Variants in FAM163A observed in about 807,000 individuals in gnomAD.
FAM163A encodes the protein family with sequence similarity 163 member A, also known as protein FAM163A.
Under a neutral mutation model 12.0 loss-of-function variants are expected in FAM163A, and 7 were observed. The ratio of observed to expected loss-of-function variants is 0.58; its 90% CI spans 0.33 to 1.10. FAM163A has a LOEUF of 1.10. Ranked by LOEUF, FAM163A falls within the 50% of genes least tolerant of loss-of-function variation. The pLI is 0.03. For synonymous variants in FAM163A, 101 were observed against 91.0 expected (o/e 1.11, Z -0.62); for missense variants, 202 against 218.6 (o/e 0.92, Z 0.48).
chr1:179,730,010 TTGGGATC>T, the FAM163A span, among the ~76,000 whole-genome samples: 3 of 152,146 alleles, frequency 2.0e-5, no homozygotes, highest in Non-Finnish European at 4.4e-5. Context: ...CCTCCTACCT[TTGGGATC>T]TGGCCTTCCA....
intron 1 of FAM163A, among the ~76,000 whole-genome samples, chr1:179,765,677 ATTTTTTTTTT>A (rs749528573): frequency 2.4e-5 from 3 of 127,202 alleles, no homozygotes; most frequent in Non-Finnish European, 5.0e-5. Context: ...AGCTTTGGGA[ATTTTTTTTTT>A]TTTTTTTTTT....
chr1:179,798,887 A>G (rs1692763557), intron 1 of FAM163A, among the ~76,000 whole-genome samples: 1 of 152,012 alleles, frequency 6.6e-6, no homozygotes, highest in South Asian at 2.1e-4. Flanking sequence ...ACCTAGTTCA[A>G]TCCTGCCCCT....
chr1:179,810,848 G>T (rs1328270852), intron 2 of FAM163A, among the ~76,000 whole-genome samples: 1 of 152,138 alleles, frequency 6.6e-6, no homozygotes, highest in Non-Finnish European at 1.5e-5. Context: ...TTTGAGACCA[G>T]CCTGGCCAAC....
intron 1 of FAM163A, among the ~76,000 whole-genome samples, chr1:179,790,575 C>T (rs1571497955): frequency 1.3e-5 from 2 of 152,160 alleles, no homozygotes; most frequent in Admixed American, 1.3e-4. Context: ...GCCTCTATAG[C>T]TTTGTCTCCC....
intron 1 of FAM163A, among the ~76,000 whole-genome samples, chr1:179,783,879 G>A (rs774870050): frequency 5.6e-5 from 7 of 125,096 alleles, no homozygotes; most frequent in Non-Finnish European, 1.1e-4. Flanking sequence ...TAGTAAAAAA[G>A]AGAAACTAAA....
chr1:179,744,914 G>T (rs1684249336), intron 1 of FAM163A, among the ~76,000 whole-genome samples: 1 of 152,190 alleles, frequency 6.6e-6, no homozygotes, highest in Non-Finnish European at 1.5e-5. Flanking sequence ...CCGCATGTTC[G>T]CTTTGCCTAA....
chr1:179,734,625 G>A, the FAM163A span, among the ~76,000 whole-genome samples: 2 of 152,076 alleles, frequency 1.3e-5, no homozygotes, highest in Non-Finnish European at 2.9e-5. Context: ...AGCTCCTCGG[G>A]GGTCTCTATT....
Position 179,813,827 on chromosome 1 carries a change from G to A in FAM163A, c.142G>A (p.Glu48Lys). The stretch of plus-strand genomic sequence containing the variant: ...AACCGAGGTTGCAGACGAGGAGGAG[G>A]AGCGGGAGCACGACCTTCCCACGCA... The part of the protein sequence containing the change: ...SGTEVADEEE[E>K]REHDLPTHPR... Residue 48 changes from glutamate (E) to lysine (K), a missense_variant, in exon 5 of 5, where the codon GAG becomes AAG. Glu to Lys is a moderately conservative substitution (Grantham distance 56). Coordinates refer to ENST00000341785, the MANE Select transcript of FAM163A (RefSeq NM_173509.3). The A allele has an allele frequency of 3.1e-6, 5 of 1,613,994 alleles. No individual in the cohort carries two copies. The highest frequency in any genetic ancestry group is 4.2e-6 in the Non-Finnish European group (5 of 1,180,030).
At chr1:179,778,096 A>G (rs1441707167) in intron 1 of FAM163A, among the ~76,000 whole-genome samples, 1 of 152,228 alleles carries the variant, frequency 6.6e-6, no homozygotes, top group Non-Finnish European at 1.5e-5. Flanking sequence ...TAAGTTGGGA[A>G]CCACCTGTAT....
chr1:179,779,686 G>C (rs550722795), intron 1 of FAM163A, among the ~76,000 whole-genome samples: 1 of 152,292 alleles, frequency 6.6e-6, no homozygotes, highest in East Asian at 1.9e-4. Flanking sequence ...GCTCATATGG[G>C]CTTTTTACTA....
chr1:179,751,435 G>A (rs1272189820), intron 1 of FAM163A, among the ~76,000 whole-genome samples: 1 of 152,154 alleles, frequency 6.6e-6, no homozygotes, highest in Non-Finnish European at 1.5e-5. Flanking sequence ...ATTAAGATGA[G>A]GACCTAAAAA....
At chr1:179,789,901 G>A (rs2148238995) in intron 1 of FAM163A, among the ~76,000 whole-genome samples, 1 of 152,340 alleles carries the variant, frequency 6.6e-6, no homozygotes, top group Admixed American at 6.5e-5. Context: ...CAGAAGAGTA[G>A]GACTAGGGCT....
the FAM163A span, among the ~76,000 whole-genome samples, chr1:179,735,594 C>G: frequency 6.8e-5 from 10 of 147,528 alleles, no homozygotes; most frequent in Non-Finnish European, 1.5e-4. Flanking sequence ...AGCTCTGCCT[C>G]CCGGGTTCAC....
chr1:179,779,404 A>G (rs1372934942), intron 1 of FAM163A, among the ~76,000 whole-genome samples: 1 of 152,086 alleles, frequency 6.6e-6, no homozygotes, highest in Non-Finnish European at 1.5e-5. Flanking sequence ...GCCTTGGAAG[A>G]GCCTCCCTGG....
intron 1 of FAM163A, among the ~76,000 whole-genome samples, chr1:179,759,612 A>G (rs1045084694): frequency 1.3e-5 from 2 of 152,100 alleles, no homozygotes; most frequent in Non-Finnish European, 2.9e-5. Context: ...GGCTGCAGAT[A>G]GGGACCAAAG....
At chr1:179,736,928 AAAT>A in the FAM163A span, among the ~76,000 whole-genome samples, 1 of 152,246 alleles carries the variant, frequency 6.6e-6, no homozygotes, top group Non-Finnish European at 1.5e-5. Context: ...CTGCTGCGGT[AAAT>A]AATATGACAT....
At chr1:179,812,848 C>G (rs1473370138) in intron 3 of FAM163A, among the ~76,000 whole-genome samples, 5 of 152,154 alleles carry the variant, frequency 3.3e-5, no homozygotes, top group African/African-American at 1.2e-4. Context: ...GGGGAAAGAT[C>G]GTGAGAACTT....
intron 1 of FAM163A, among the ~76,000 whole-genome samples, chr1:179,744,871 G>A: frequency 6.6e-6 from 1 of 152,240 alleles, no homozygotes; most frequent in East Asian, 1.9e-4. Context: ...TTTATGTCGT[G>A]TGGGAGACAA....
At chr1:179,779,335 A>G (rs758388591) in intron 1 of FAM163A, among the ~76,000 whole-genome samples, 2 of 152,106 alleles carry the variant, frequency 1.3e-5, no homozygotes, top group Non-Finnish European at 2.9e-5. Context: ...GCTCAGGGGG[A>G]TATGAATGAA....
Sources: gnomAD v4.1 joint callset for allele counts (sites outside exome capture counted in the v4.1 genomes callset) on GRCh38, gnomAD v4.1.1 for gene constraint, MANE v1.5 for transcripts, NCBI Gene and HGNC (gene_info 2026-07-23, HGNC 2026-07-21) for gene names.